The following ZNF385D variants were observed in gnomAD, a reference collection of about 807,000 sequenced individuals.
ZNF385D encodes zinc finger protein 385D.
A neutral mutation model predicts 35.8 loss-of-function variants in ZNF385D; 15 were observed. The ratio of observed to expected loss-of-function variants is 0.42; its 90% CI spans 0.28 to 0.64. The LOEUF (loss-of-function observed/expected upper bound fraction) is 0.64, where lower values mean the gene tolerates loss of function less well. ZNF385D is among the 30% of genes least tolerant of loss of function. The pLI is 0.23. For synonymous variants in ZNF385D, 212 were observed against 186.8 expected (o/e 1.13, Z -1.10); for missense variants, 474 against 494.6 (o/e 0.96, Z 0.39).
At chr3:21,556,160 C>A (rs1487840260) in intron 3 of ZNF385D, among the ~76,000 whole-genome samples, 1 of 150,102 alleles carries the variant, frequency 6.7e-6, no homozygotes, top group Non-Finnish European at 1.5e-5. Context: ...AATATTCTCC[C>A]ACTCTGTAGG....
intron 3 of ZNF385D, among the ~76,000 whole-genome samples, chr3:21,935,706 C>T (rs531063987): frequency 6.7e-6 from 1 of 150,232 alleles, no homozygotes; most frequent in African/African-American, 2.5e-5. Flanking sequence ...CTCAGTTTCC[C>T]TAAAATCTCA....
At chr3:22,021,444 C>A (rs1390050644) in intron 3 of ZNF385D, among the ~76,000 whole-genome samples, 1 of 151,982 alleles carries the variant, frequency 6.6e-6, no homozygotes, top group Non-Finnish European at 1.5e-5. Flanking sequence ...AATATTATTA[C>A]TAGAGTCACA....
intron 3 of ZNF385D, among the ~76,000 whole-genome samples, chr3:21,825,021 C>T (rs1189081745): frequency 2.6e-5 from 4 of 152,156 alleles, no homozygotes; most frequent in Non-Finnish European, 4.4e-5. Context: ...TACAGAAACT[C>T]CCATATCATT....
intron 2 of ZNF385D, among the ~76,000 whole-genome samples, chr3:22,195,378 A>T: frequency 6.6e-6 from 1 of 151,972 alleles, no homozygotes; most frequent in Middle Eastern, 3.2e-3. Context: ...ACACACAAAC[A>T]TATATATATT....
chr3:21,658,019 C>T (rs79060367), intron 2 of ZNF385D, among the ~76,000 whole-genome samples: 3,110 of 151,888 alleles, frequency 0.02, 119 homozygotes, highest in African/African-American at 0.069. Flanking sequence ...GGTATATATC[C>T]AAAGATAATA....
chr3:21,677,290 T>C (rs886562022), intron 1 of ZNF385D, among the ~76,000 whole-genome samples: 2 of 151,958 alleles, frequency 1.3e-5, no homozygotes, highest in Admixed American at 6.6e-5. Flanking sequence ...GAGGCCAAGG[T>C]TAATGAGAAA....
intron 3 of ZNF385D, among the ~76,000 whole-genome samples, chr3:22,092,054 T>G (rs1022582110): frequency 6.6e-6 from 1 of 152,172 alleles, no homozygotes; most frequent in African/African-American, 2.4e-5. Context: ...TACAGAGTTG[T>G]TTCACTTTTG....
At chr3:22,077,664 C>A (rs1210489623) in intron 3 of ZNF385D, among the ~76,000 whole-genome samples, 1 of 151,878 alleles carries the variant, frequency 6.6e-6, no homozygotes, top group African/African-American at 2.4e-5. Flanking sequence ...TGTTTTGGTT[C>A]ACATGTAATG....
intron 3 of ZNF385D, among the ~76,000 whole-genome samples, chr3:21,874,766 C>T (rs191510815): frequency 9.1e-4 from 138 of 151,966 alleles, no homozygotes; most frequent in Middle Eastern, 6.8e-3. Flanking sequence ...TTTCTATTTC[C>T]GTAAAAAATG....
At chr3:22,294,447 C>T (rs1575058960) in intron 2 of ZNF385D, among the ~76,000 whole-genome samples, 1 of 152,116 alleles carries the variant, frequency 6.6e-6, no homozygotes, top group African/African-American at 2.4e-5. Context: ...TGTGGGTCCA[C>T]CCCCGCATAT....
intron 3 of ZNF385D, among the ~76,000 whole-genome samples, chr3:21,833,968 T>C (rs983549648): frequency 2.6e-5 from 4 of 152,182 alleles, no homozygotes; most frequent in Non-Finnish European, 5.9e-5. Flanking sequence ...AGAAGAGTTC[T>C]TTAATTGAAA....
At chr3:22,088,230 G>C (rs972173230) in intron 3 of ZNF385D, among the ~76,000 whole-genome samples, 17 of 152,176 alleles carry the variant, frequency 1.1e-4, no homozygotes, top group African/African-American at 4.1e-4. Flanking sequence ...ATGAGCAAAT[G>C]CTGAAGGAGA....
intron 2 of ZNF385D, among the ~76,000 whole-genome samples, chr3:22,212,552 G>A (rs1267138187): frequency 2.6e-5 from 4 of 151,786 alleles, no homozygotes; most frequent in African/African-American, 4.8e-5. Flanking sequence ...TAAAATGTCA[G>A]GTTTTATTCC....
At chr3:22,197,157 T>C (rs1696475168) in intron 2 of ZNF385D, among the ~76,000 whole-genome samples, 1 of 152,062 alleles carries the variant, frequency 6.6e-6, no homozygotes, top group South Asian at 2.1e-4. Flanking sequence ...TTTTAAAAGA[T>C]GTTTGGTGCA....
At chr3:22,260,000 C>T (rs1700538574) in intron 2 of ZNF385D, among the ~76,000 whole-genome samples, 1 of 151,804 alleles carries the variant, frequency 6.6e-6, no homozygotes, top group Admixed American at 6.6e-5. Flanking sequence ...ATAAGCAAAA[C>T]AGGGAAACTG....
chr3:21,460,953 T>A (rs1404643554), intron 4 of ZNF385D, among the ~76,000 whole-genome samples: 1 of 152,174 alleles, frequency 6.6e-6, no homozygotes, highest in Non-Finnish European at 1.5e-5. Flanking sequence ...AATGTTTTTC[T>A]ACCCATTAAT....
intron 3 of ZNF385D, among the ~76,000 whole-genome samples, chr3:22,062,620 C>CCT (rs1699749588): frequency 6.6e-6 from 1 of 152,118 alleles, no homozygotes. Context: ...ATTCTGACCC[C>CCT]CTCGCCCCCA....
intron 2 of ZNF385D, among the ~76,000 whole-genome samples, chr3:22,203,157 G>A (rs866934757): frequency 6.6e-6 from 1 of 152,030 alleles, no homozygotes; most frequent in Non-Finnish European, 1.5e-5. Flanking sequence ...GAGAAGAGAG[G>A]GAAGACAAAG....
Position 22,172,949 on chromosome 3 carries a change from G to A in ZNF385D, c.107-3914C>T, listed in dbSNP as rs149887587. 9.7e-4 allele frequency among the ~76,000 whole-genome samples: 147 copies of A among 152,296 alleles called. 2 individuals carry two copies. Among genetic ancestry groups the A allele is most frequent in the African/African-American group, 3.2e-3 (132 of 41,568 alleles). On this transcript the variant is annotated intron_variant, in intron 2 of 5. Coordinates refer to the ZNF385D transcript ENST00000494108. ...AGTGTGGTACAGAAAGAGGAGAAAA[G>A]TAGCTTTATAGTGAAGAAACCTGAC...
Sources: gnomAD v4.1 joint callset for allele counts (sites outside exome capture counted in the v4.1 genomes callset) on GRCh38, gnomAD v4.1.1 for gene constraint, MANE v1.5 for transcripts, NCBI Gene and HGNC (gene_info 2026-07-23, HGNC 2026-07-21) for gene names.